The following KRT34 variants were observed in gnomAD, a reference collection of about 807,000 sequenced individuals.
KRT34 encodes keratin 34.
Under a neutral mutation model 41.7 loss-of-function variants are expected in KRT34, and 31 were observed. The ratio of observed to expected loss-of-function variants is 0.74; its 90% CI spans 0.56 to 1.00. KRT34 has a LOEUF of 1.00. Ranked by LOEUF, KRT34 falls within the 50% of genes least tolerant of loss-of-function variation. The probability of loss-of-function intolerance (pLI) is 0.00; values close to 1 mark genes in which losing one functional copy is unlikely to be tolerated. For synonymous variants in KRT34, 224 were observed against 212.9 expected (o/e 1.05, Z -0.45); for missense variants, 523 against 500.3 (o/e 1.05, Z -0.43).
rs866220230 is a variant in KRT34 at position 41,379,133 on chromosome 17, T to G, written c.920A>C (p.Tyr307Ser). 6.2e-7 allele frequency: 1 copy of G among 1,614,186 alleles called. No individual in the cohort carries two copies. Among genetic ancestry groups the G allele is most frequent in the Middle Eastern group, 1.7e-4 (1 of 6,060 alleles). ...ENTLTESEAHYSSQLSQVQSL... is the reference protein window; with the variant it reads ...ENTLTESEAHSSSQLSQVQSL... ...CTGCACCTGGGACAGCTGGGAGCTG[T>G]AGTGGGCCTCGCTCTCCGTCAGCGT... Residue 307 changes from tyrosine (Y) to serine (S), a missense_variant, in exon 6 of 7, where the codon TAC (tyrosine) becomes TCC (serine). Coordinates refer to ENST00000394001, the MANE Select transcript of KRT34 (RefSeq NM_001386014.1).
chr17:41,381,664 G>C, intron 2 of KRT34, 49 bp downstream of exon 2: 1 of 1,482,264 alleles, frequency 6.7e-7, no homozygotes, highest in Non-Finnish European at 9.4e-7. Flanking sequence ...GGCAATAGTA[G>C]GTCCCTAGGG....
upstream of KRT34, among the ~76,000 whole-genome samples, chr17:41,382,977 T>C (rs945719853): frequency 6.6e-6 from 1 of 152,040 alleles, no homozygotes; most frequent in African/African-American, 2.4e-5. Flanking sequence ...ACGTCAAGTT[T>C]ACCCTGCTGA....
At position 41,379,557 on chromosome 17, in the gene KRT34, C is replaced by T. The variant is rs755071905; in HGVS notation, c.750+13G>A. The T allele has an allele frequency of 3.1e-6, 5 of 1,613,834 alleles. No individual in the cohort carries two copies. The South Asian group carries it at 4.4e-5, about 14-fold the overall frequency. On this transcript the variant is annotated intron_variant, in intron 4 of 6. Coordinates refer to ENST00000394001, the MANE Select transcript of KRT34 (RefSeq NM_001386014.1). ...ACCTCGGGTCCTGAGTGGCCATGTG[C>T]TTAGATGCCCACCTGCGTGGCGAAC...
rs1036409469 is a variant in KRT34, at chr17:41,377,796, T to G, written c.*263A>C. 8 of 455,556 alleles carry G rather than the reference T, an allele frequency of 1.8e-5. No homozygotes were observed. The highest frequency in any genetic ancestry group is 1.1e-4 in the African/African-American group (6 of 52,476). 28.2% of individuals were successfully genotyped at this position (455,556 alleles called of 1,614,324 possible). On this transcript the variant is annotated 3_prime_UTR_variant, in exon 7 of 7. Coordinates refer to ENST00000394001, the MANE Select transcript of KRT34 (RefSeq NM_001386014.1). Reference sequence around the variant, plus strand: ...TTCAGGAAACACCTTAAGTAGTAACTGGAGCTCAGATTACAGGGAGCTGAA... The same window carrying G: ...TTCAGGAAACACCTTAAGTAGTAACGGGAGCTCAGATTACAGGGAGCTGAA...
chr17:41,380,255 CAA>C (rs35215699), intron 3 of KRT34, among the ~76,000 whole-genome samples: 2 of 136,620 alleles, frequency 1.5e-5, no homozygotes. Context: ...ATGACTCCGT[CAA>C]AAAAAAAAAA....
chr17:41,380,975 G>A (rs2017968477), intron 3 of KRT34, 81 bp downstream of exon 3: 1 of 1,373,472 alleles, frequency 7.3e-7, no homozygotes, highest in Non-Finnish European at 1.0e-6. Flanking sequence ...CCCAGACCAG[G>A]GATCCAGACA....
chr17:41,379,392 G>C lies in KRT34; in HGVS notation c.837C>G (p.Val279=). Residue 279 remains valine, a synonymous_variant, in exon 5 of 7, where the codon GTC becomes GTG. Transcript: ENST00000394001. ...CCTGCAGCTCGATCTCCAGGGCGTT[G>C]ACTGTGCGTCTCAGCTCGATGATCT... is the stretch of plus-strand genomic sequence containing the variant. ...QAEIIELRRT[V]NALEIELQAQ... 6.2e-7 allele frequency: 1 copy of C among 1,613,564 alleles called. No individual in the cohort carries two copies.
rs201035931 is a variant in KRT34, at chr17:41,379,531, C to G, written c.750+39G>C. 2.5e-5 allele frequency: 41 copies of G among 1,613,878 alleles called. No individual in the cohort carries two copies. In the Middle Eastern group the frequency reaches 5.0e-4, roughly 19 times the overall value. On this transcript the variant is annotated intron_variant, in intron 4 of 6. Transcript: ENST00000394001. ...AGACCCTGTCTCCAGGGCCCTGGGG[C>G]ACCTCGGGTCCTGAGTGGCCATGTG...
intron 2 of KRT34, among the ~76,000 whole-genome samples, chr17:41,381,469 A>G (rs2017983751): frequency 6.6e-6 from 1 of 152,154 alleles, no homozygotes; most frequent in Admixed American, 6.5e-5. Flanking sequence ...TATACCACCA[A>G]ATCAATTCCC....
At position 41,379,689 on chromosome 17, in the gene KRT34, C is replaced by A. The variant is rs140296098; in HGVS notation, c.631G>T (p.Val211Leu). 3 of 1,613,108 alleles carry A rather than the reference C, an allele frequency of 1.9e-6. No individual in the cohort carries two copies. Among genetic ancestry groups the A allele is most frequent in the Admixed American group, 3.3e-5 (2 of 59,760 alleles). ...LRSQLGDRLN[V>L]EVDTAPTVDL... The stretch of plus-strand genomic sequence containing the variant: ...ACAGTGGGGGCAGTGTCCACCTCCA[C>A]GTTGAGGCGGTCTCCAAGCTGGGAG... The change falls in exon 4 of 7, where the codon GTG (valine) becomes TTG (leucine). Residue 211 changes from valine (V) to leucine (L), a missense_variant. Physicochemically the swap from Val to Leu is conservative, Grantham distance 32 (BLOSUM62 1). Coordinates refer to ENST00000394001, the MANE Select transcript of KRT34 (RefSeq NM_001386014.1).
At chr17:41,381,862 A>T in intron 1 of KRT34, 37 bp downstream of exon 1, 2 of 1,613,096 alleles carry the variant, frequency 1.2e-6, no homozygotes, top group Non-Finnish European at 1.7e-6. Flanking sequence ...AAAGAGAGCC[A>T]GCTGCTGCTG....
At chr17:41,379,823 C>G (rs1484663672) in intron 3 of KRT34, 92 bp from the exon 4 acceptor site, 1 of 1,321,322 alleles carries the variant, frequency 7.6e-7, no homozygotes, top group Non-Finnish European at 1.0e-6. Context: ...CCAAAAAGCA[C>G]TAAAAGGAAT....
intron 2 of KRT34, 121 bp downstream of exon 2, chr17:41,381,592 T>C: frequency 1.1e-6 from 1 of 881,216 alleles, no homozygotes; most frequent in Non-Finnish European, 1.7e-6. Context: ...TATTTGAAAC[T>C]AATTTTACAT....
chr17:41,382,623 T>C (rs370194507), upstream of KRT34, among the ~76,000 whole-genome samples: 10 of 152,332 alleles, frequency 6.6e-5, no homozygotes, highest in African/African-American at 2.4e-4. Context: ...GGTGGAGTTG[T>C]TTGGGAATCA....
intron 2 of KRT34, 143 bp downstream of exon 2, chr17:41,381,570 A>G: frequency 1.4e-6 from 1 of 722,584 alleles, no homozygotes; most frequent in Non-Finnish European, 2.3e-6. Context: ...GCAGCACATG[A>G]GTCTAGTTCC....
intron 5 of KRT34, 21 bp downstream of exon 5, chr17:41,379,332 G>A: frequency 6.2e-7 from 1 of 1,613,130 alleles, no homozygotes; most frequent in Non-Finnish European, 8.5e-7. Flanking sequence ...TCGCTCACCA[G>A]CAGGTCTGAA....
chr17:41,381,275 G>C, intron 2 of KRT34, 63 bp from the exon 3 acceptor site: 1 of 1,547,456 alleles, frequency 6.5e-7, no homozygotes, highest in South Asian at 1.2e-5. Context: ...CTCATGTGTT[G>C]TTTGGGTAGA....
In KRT34 at chr17:41,381,735, C is replaced by T. The variant is rs781274428; in HGVS notation, c.409G>A (p.Ala137Thr). Reference protein sequence around the residue: ...LVVNIDNAKLASDDFRSKYQT... With the variant: ...LVVNIDNAKLTSDDFRSKYQT... ...TACTTGCTTCTGAAGTCGTCAGAGG[C>T]CAGCTTGGCATTGTCAATGTTCACC... Residue 137 changes from alanine (A) to threonine (T), a missense_variant, in exon 2 of 7, where the codon GCC (alanine) becomes ACC (threonine). Coordinates refer to ENST00000394001, the MANE Select transcript of KRT34 (RefSeq NM_001386014.1). 32 of 1,614,096 alleles carry T rather than the reference C, an allele frequency of 2.0e-5. No homozygotes were observed. Among genetic ancestry groups the T allele is most frequent in the Middle Eastern group, 1.6e-4 (1 of 6,084 alleles).
At chr17:41,382,506 G>C, upstream of KRT34, 2 of 762,488 alleles carry the variant, frequency 2.6e-6, no homozygotes, top group Non-Finnish European at 2.1e-6. Flanking sequence ...GGGTGCTAGT[G>C]GTTGGTGAAA....
Sources: gnomAD v4.1 joint callset for allele counts (sites outside exome capture counted in the v4.1 genomes callset) on GRCh38, gnomAD v4.1.1 for gene constraint, MANE v1.5 for transcripts, NCBI Gene and HGNC (gene_info 2026-07-23, HGNC 2026-07-21) for gene names.